Variants in AMPD3 observed in about 807,000 individuals in gnomAD.
The protein encoded by AMPD3 is adenosine monophosphate deaminase 3.
A neutral mutation model predicts 82.3 loss-of-function variants in AMPD3; 57 were observed. The ratio of observed to expected loss-of-function variants is 0.69; its 90% CI spans 0.56 to 0.86. AMPD3 has a LOEUF of 0.86. Among genes scored for constraint, AMPD3 ranks in the 40% least tolerant of loss-of-function variants. The probability of loss-of-function intolerance (pLI) is 0.00; values close to 1 mark genes in which losing one functional copy is unlikely to be tolerated. For synonymous variants in AMPD3, 381 were observed against 394.7 expected (o/e 0.97, Z 0.41); for missense variants, 870 against 1,003.8 (o/e 0.87, Z 1.80).
chr11:10,479,795 G>C (rs1200692554), intron 3 of AMPD3: 1 of 600,138 alleles, frequency 1.7e-6, no homozygotes, highest in African/African-American at 2.0e-5. Flanking sequence ...AATATATAAA[G>C]AACTTCTTTG....
At position 10,488,847 on chromosome 11, in the gene AMPD3, G is replaced by A. The variant is rs1385310126; in HGVS notation, c.939+1483G>A. 2.0e-5 allele frequency among the ~76,000 whole-genome samples: 3 copies of A among 152,128 alleles called. No individual in the cohort carries two copies. In the East Asian group the frequency reaches 5.8e-4, roughly 29 times the overall value. On this transcript the variant is annotated intron_variant, in intron 6 of 14. Coordinates refer to ENST00000396553, the MANE Select transcript of AMPD3 (RefSeq NM_001025389.2). ...GATAAGGGAGGGTAGGCCAGGGGAGGATGTGGCTCCTCTGGGAAAGCCCAG... is the reference window on the plus strand; with the variant it reads ...GATAAGGGAGGGTAGGCCAGGGGAGAATGTGGCTCCTCTGGGAAAGCCCAG...
intron 9 of AMPD3, chr11:10,496,333 G>A: frequency 1.0e-6 from 1 of 985,364 alleles, no homozygotes; most frequent in Non-Finnish European, 1.2e-6. Context: ...TGAGCCCCAG[G>A]GTATGGGGAG....
At chr11:10,478,501 AC>A (rs1848805967) in intron 2 of AMPD3, 24 bp from the exon 3 acceptor site, 6 of 1,613,718 alleles carry the variant, frequency 3.7e-6, no homozygotes, top group Non-Finnish European at 5.1e-6. Context: ...GATGTCTCCC[AC>A]TTTTCCTTGT....
chr11:10,494,470 T>G, intron 7 of AMPD3: 1 of 791,560 alleles, frequency 1.3e-6, no homozygotes, highest in Non-Finnish European at 1.5e-6. Flanking sequence ...TAAAAATGGT[T>G]GAAATGGTAA....
chr11:10,491,129 C>T (rs565710839), intron 6 of AMPD3, among the ~76,000 whole-genome samples: 9 of 152,332 alleles, frequency 5.9e-5, no homozygotes, highest in African/African-American at 1.4e-4. Flanking sequence ...CACCCCAGCC[C>T]GGGCTGAGCG....
intron 1 of AMPD3, chr11:10,460,849 T>A: frequency 3.1e-6 from 3 of 978,676 alleles, no homozygotes; most frequent in Non-Finnish European, 3.6e-6. Context: ...GGAATCAGTA[T>A]GCGAGGAGGT....
At chr11:10,464,185 C>T (rs1241060913) in intron 2 of AMPD3, among the ~76,000 whole-genome samples, 1 of 152,206 alleles carries the variant, frequency 6.6e-6, no homozygotes, top group Non-Finnish European at 1.5e-5. Context: ...AGTGATTTCT[C>T]TGACTTCCTG....
rs200870444 is a variant in AMPD3 at position 10,501,430 on chromosome 11, G to C, written c.1722-40G>C. ...CTGCAGGCCCCAGGCAGAGCCAACT[G>C]GGGGGGGCCTTCCTGATTCGGAAAC... On this transcript the variant is annotated intron_variant, in intron 11 of 14. Transcript: ENST00000396553. The C allele has an allele frequency of 1.7e-5, 28 of 1,607,608 alleles. No homozygotes were observed. The Admixed American group carries it at 1.8e-4, about 11-fold the overall frequency.
upstream of AMPD3, chr11:10,450,666 C>A (rs1847937036): frequency 2.0e-6 from 2 of 1,023,372 alleles, no homozygotes; most frequent in Non-Finnish European, 2.3e-6. Flanking sequence ...AGGGCCCTGG[C>A]GGCCGCCGCG....
At chr11:10,488,346 A>G in intron 6 of AMPD3, 1 of 985,430 alleles carries the variant, frequency 1.0e-6, no homozygotes, top group Non-Finnish European at 1.2e-6. Context: ...GAGAGGCCAG[A>G]ACTGAGCTGA....
intron 13 of AMPD3, among the ~76,000 whole-genome samples, chr11:10,503,487 A>G (rs1292749718): frequency 6.6e-6 from 1 of 152,218 alleles, no homozygotes; most frequent in Non-Finnish European, 1.5e-5. Flanking sequence ...GTCTTTTAGG[A>G]CAGAGGTTCT....
chr11:10,491,946 C>T (rs1409198829), intron 6 of AMPD3, among the ~76,000 whole-genome samples: 2 of 152,082 alleles, frequency 1.3e-5, no homozygotes, highest in Non-Finnish European at 2.9e-5. Context: ...ATTAAATGCA[C>T]AGAAATGGAA....
At position 10,492,449 on chromosome 11, in the gene AMPD3, T is replaced by C. The variant is rs113035474; in HGVS notation, c.940-900T>C. Among the ~76,000 whole-genome samples, 1,450 of 152,314 alleles carry C rather than the reference T, an allele frequency of 9.5e-3. 27 individuals carry two copies. Among genetic ancestry groups the C allele is most frequent in the African/African-American group, 0.033 (1,369 of 41,562 alleles). On this transcript the variant is annotated intron_variant, in intron 6 of 14. Transcript: ENST00000396553. ...GGCTTGGCCTTTAGTGTCTGTTCTT[T>C]TCATTCATTCCCACTTGGAGGTTTG...
rs1034759467 is a variant in AMPD3, at chr11:10,486,662, G to A, written c.810-573G>A. 4 of 985,288 alleles carry A rather than the reference G, an allele frequency of 4.1e-6. No homozygotes were observed. In the Admixed American group the frequency reaches 1.8e-4, roughly 45 times the overall value. The allele number at this position is 985,288 out of a possible 1,614,324, so 61.0% of individuals were successfully genotyped here. On this transcript the variant is annotated intron_variant, in intron 5 of 14. Transcript: ENST00000396553. Reference sequence around the variant, plus strand: ...AGCCTCAGAGTTGAGAGATCCTTGGGCCGTGGCCATTAGGTCAGGGGGCTG... The same window carrying A: ...AGCCTCAGAGTTGAGAGATCCTTGGACCGTGGCCATTAGGTCAGGGGGCTG...
At chr11:10,457,092 C>T (rs1195661648) in intron 1 of AMPD3, among the ~76,000 whole-genome samples, 1 of 151,072 alleles carries the variant, frequency 6.6e-6, no homozygotes, top group African/African-American at 2.4e-5. Flanking sequence ...ATTCTCCCAA[C>T]TCAGCCTTCC....
upstream of AMPD3, chr11:10,450,618 C>A (rs959028522): frequency 2.6e-5 from 26 of 994,078 alleles, no homozygotes; most frequent in Non-Finnish European, 3.1e-5. Context: ...GCGGCGCGGG[C>A]CCCGCGGAGC....
At chr11:10,482,396 GTGTAC>G (rs1848937792) in intron 4 of AMPD3, among the ~76,000 whole-genome samples, 171 bp downstream of exon 4, 1 of 152,228 alleles carries the variant, frequency 6.6e-6, no homozygotes, top group Non-Finnish European at 1.5e-5. Context: ...TTGATTCTAT[GTGTAC>G]TGTATGCCTA....
rs1848806719 is a variant in AMPD3, at chr11:10,478,510, T to C, written c.222-16T>C. The C allele has an allele frequency of 1.9e-6, 3 of 1,614,078 alleles. No individual in the cohort carries two copies. The Admixed American group carries it at 5.0e-5, about 27-fold the overall frequency. On this transcript the variant is annotated splice_polypyrimidine_tract_variant and intron_variant, in intron 2 of 14. Transcript: ENST00000396553. ...GCTTCTGATGTCTCCCACTTTTCCT[T>C]GTCCTTGGCTCTTAGAAAGAAAAGT...
upstream of AMPD3, among the ~76,000 whole-genome samples, chr11:10,451,718 G>A (rs1847968707): frequency 6.6e-6 from 1 of 152,208 alleles, no homozygotes. Flanking sequence ...AAAGGAGCTG[G>A]GTGAAAGCAG....
Sources: allele counts gnomAD v4.1 joint callset (sites outside exome capture counted in the v4.1 genomes callset), GRCh38; gene constraint gnomAD v4.1.1; transcripts MANE v1.5; gene names NCBI Gene and HGNC (gene_info 2026-07-23, HGNC 2026-07-21).